The following AGAP1 variants were observed in gnomAD, a reference collection of about 807,000 sequenced individuals.
AGAP1 encodes arf-GAP with GTPase, ANK repeat and PH domain-containing protein 1.
In AGAP1, 29 loss-of-function variants were observed where a neutral mutation model predicts 105.3. The observed-to-expected ratio is 0.28, with a 90% CI of 0.21 to 0.38. The LOEUF is 0.38. Ranked by LOEUF, AGAP1 falls within the 10% of genes least tolerant of loss-of-function variation. The pLI is 1.00. For synonymous variants in AGAP1, 509 were observed against 485.9 expected, an observed-to-expected ratio of 1.05 and a Z score of -0.63; for missense variants, 998 against 1,165.1, an observed-to-expected ratio of 0.86 and a Z score of 2.09.
At chr2:235,542,314 G>C (rs1313110944) in intron 1 of AGAP1, among the ~76,000 whole-genome samples, 2 of 152,190 alleles carry the variant, frequency 1.3e-5, no homozygotes, top group African/African-American at 4.8e-5. Context: ...CAGGGACTTG[G>C]CCTTGGCCTT....
At position 235,725,088 on chromosome 2, in the gene AGAP1, C is replaced by G. The variant is rs944001333; in HGVS notation, c.310+7444C>G. ...TCCACTGTGTGTTTGGTTTCTGTTG[C>G]TTGTTCCAAGCTGCTGACGCGGTGT... is the stretch of plus-strand genomic sequence containing the variant. On this transcript the variant is annotated intron_variant, in intron 3 of 17. Coordinates refer to ENST00000304032, the MANE Select transcript of AGAP1 (RefSeq NM_001037131.3). The surrounding 1 kb of genome is among the most constrained non-coding windows in gnomAD (Gnocchi z 5.7). 2.6e-5 allele frequency among the ~76,000 whole-genome samples: 4 copies of G among 152,200 alleles called. No homozygotes were observed. Among genetic ancestry groups the G allele is most frequent in the Non-Finnish European group, 4.4e-5 (3 of 68,034 alleles).
chr2:235,682,308 G>A (rs540288369), intron 1 of AGAP1, among the ~76,000 whole-genome samples: 71 of 152,072 alleles, frequency 4.7e-4, no homozygotes, highest in African/African-American at 1.6e-3. Context: ...AGAATGAGGC[G>A]TCTGGAACCA....
Position 235,887,121 on chromosome 2 carries a change from C to G in AGAP1, c.1155+3672C>G, listed in dbSNP as rs889663875. On this transcript the variant is annotated intron_variant, in intron 10 of 17. Coordinates refer to ENST00000304032, the MANE Select transcript of AGAP1 (RefSeq NM_001037131.3). This position sits in a 1 kb window ranked among gnomAD's most constrained non-coding sequence, Gnocchi z 4.1. ...CTCAGTCTGGAAAATTTCAAAAGATCGTAGAACCAGATGATCTCAGTTAAA... is the reference window on the plus strand; with the variant it reads ...CTCAGTCTGGAAAATTTCAAAAGATGGTAGAACCAGATGATCTCAGTTAAA... 6.6e-6 allele frequency among the ~76,000 whole-genome samples: 1 copy of G among 152,136 alleles called. No homozygotes were observed. Among genetic ancestry groups the G allele is most frequent in the East Asian group, 1.9e-4 (1 of 5,192 alleles).
At position 235,967,372 on chromosome 2, in the gene AGAP1, G is replaced by A. The variant is rs924710648; in HGVS notation, c.1484-1090G>A. 2.6e-5 allele frequency among the ~76,000 whole-genome samples: 4 copies of A among 152,130 alleles called. No homozygotes were observed. The highest frequency in any genetic ancestry group is 2.1e-4 in the South Asian group (1 of 4,830). On this transcript the variant is annotated intron_variant, in intron 12 of 17. Transcript: ENST00000304032. The surrounding 1 kb of genome is among the most constrained non-coding windows in gnomAD (Gnocchi z 4.7). ...CAGCCTCCCAGCCTTGATGCCCCGC[G>A]TTCCTATTCGGTCTTTCCCATAACT...
At chr2:235,978,785 C>A (rs1453495674) in intron 13 of AGAP1, among the ~76,000 whole-genome samples, 1 of 152,172 alleles carries the variant, frequency 6.6e-6, no homozygotes, top group Non-Finnish European at 1.5e-5. Flanking sequence ...GCCATGCCCA[C>A]GGCTCCCCAC....
intron 1 of AGAP1, among the ~76,000 whole-genome samples, chr2:235,661,652 A>G (rs1947959534): frequency 6.6e-6 from 1 of 152,050 alleles, no homozygotes; most frequent in African/African-American, 2.4e-5. Context: ...GGAGACATGG[A>G]GCATCTCAGG....
chr2:236,122,477 G>C (rs888909668), intron 17 of AGAP1, among the ~76,000 whole-genome samples: 1 of 152,150 alleles, frequency 6.6e-6, no homozygotes, highest in South Asian at 2.1e-4. Flanking sequence ...CCATGCTGTT[G>C]AGTGGCCTCA....
At chr2:235,805,370 A>G (rs1488648269) in intron 8 of AGAP1, among the ~76,000 whole-genome samples, 1 of 152,162 alleles carries the variant, frequency 6.6e-6, no homozygotes, top group Non-Finnish European at 1.5e-5. Context: ...CTGCTCTGAG[A>G]ATGGATTGGC....
chr2:235,581,051 C>G (rs1454025659), intron 1 of AGAP1, among the ~76,000 whole-genome samples: 1 of 147,686 alleles, frequency 6.8e-6, no homozygotes, highest in African/African-American at 2.5e-5. Flanking sequence ...ACAGAGACTG[C>G]TTTGGGAGGC....
At position 235,550,041 on chromosome 2, in the gene AGAP1, CTTGTA is replaced by C. The variant is rs962819176; in HGVS notation, c.163+55198_163+55202del. On this transcript the variant is annotated intron_variant, in intron 1 of 17. Coordinates refer to ENST00000304032, the MANE Select transcript of AGAP1 (RefSeq NM_001037131.3). The surrounding 1 kb of genome is among the most constrained non-coding windows in gnomAD (Gnocchi z 4.6). ...GCAGCTGTATAATATGATGGATGTC[CTTGTA>C]TTGTACATTTTTAGGAAGGACGGGT... Among the ~76,000 whole-genome samples, 3 of 152,148 alleles carry C rather than the reference CTTGTA, an allele frequency of 2.0e-5. No individual in the cohort carries two copies. Among genetic ancestry groups the C allele is most frequent in the African/African-American group, 7.2e-5 (3 of 41,442 alleles).
chr2:235,583,831 A>AC (rs1945014343), intron 1 of AGAP1, among the ~76,000 whole-genome samples: 1 of 150,590 alleles, frequency 6.6e-6, no homozygotes, highest in African/African-American at 2.4e-5. Context: ...CCAAGATTGT[A>AC]CCACTGCACT....
Position 235,799,322 on chromosome 2 carries a change from T to C in AGAP1, c.802-45T>C. 6.3e-7 allele frequency: 1 copy of C among 1,595,922 alleles called. No homozygotes were observed. Among genetic ancestry groups the C allele is most frequent in the Non-Finnish European group, 8.5e-7 (1 of 1,169,696 alleles). ...CCTTGCCTAAGTGGAGGTCTTGGGT[T>C]CCTGAGTATGTCGTTAATGAAACCT... On this transcript the variant is annotated intron_variant, in intron 7 of 17. Transcript: ENST00000304032. The surrounding 1 kb of genome is among the most constrained non-coding windows in gnomAD (Gnocchi z 5.0).
chr2:235,943,142 A>C (rs1559676668), intron 12 of AGAP1, among the ~76,000 whole-genome samples: 1 of 152,202 alleles, frequency 6.6e-6, no homozygotes, highest in Non-Finnish European at 1.5e-5. Context: ...ATGACTTTAT[A>C]CAACTCTTGG....
chr2:235,535,504 A>C lies in AGAP1; in HGVS notation c.163+40655A>C, dbSNP rs1308582370. 6.6e-6 allele frequency among the ~76,000 whole-genome samples: 1 copy of C among 151,706 alleles called. No homozygotes were observed. Among genetic ancestry groups the C allele is most frequent in the Non-Finnish European group, 1.5e-5 (1 of 67,908 alleles). On this transcript the variant is annotated intron_variant, in intron 1 of 17. Coordinates refer to ENST00000304032, the MANE Select transcript of AGAP1 (RefSeq NM_001037131.3). The surrounding 1 kb of genome is among the most constrained non-coding windows in gnomAD (Gnocchi z 5.1). Reference sequence around the variant, plus strand: ...TAGTATTTTGGATTTAAAAAAAAAAAAAACATGAAATGAAATCCGTGTCCT... The same window carrying C: ...TAGTATTTTGGATTTAAAAAAAAAACAAACATGAAATGAAATCCGTGTCCT...
rs1942421100 is a variant in AGAP1 at position 235,517,091 on chromosome 2, G to A, written c.163+22242G>A. Reference sequence around the variant, plus strand: ...CCAAACGTATTTTCTCACAGTTCTGGAGGTTGAGAGTCCATGATCAAGGCA... The same window carrying A: ...CCAAACGTATTTTCTCACAGTTCTGAAGGTTGAGAGTCCATGATCAAGGCA... On this transcript the variant is annotated intron_variant, in intron 1 of 17. Transcript: ENST00000304032. The surrounding 1 kb of genome is among the most constrained non-coding windows in gnomAD (Gnocchi z 4.1). Among the ~76,000 whole-genome samples, 1 of 152,178 alleles carries A rather than the reference G, an allele frequency of 6.6e-6. No homozygotes were observed. The highest frequency in any genetic ancestry group is 6.5e-5 in the Admixed American group (1 of 15,274).
At chr2:236,077,142 A>ACT (rs1340851323) in intron 16 of AGAP1, among the ~76,000 whole-genome samples, 1 of 106,638 alleles carries the variant, frequency 9.4e-6, no homozygotes, top group African/African-American at 3.6e-5. Context: ...AAAAAAAAAA[A>ACT]ATATATATAT....
chr2:235,498,717 C>T (rs772143196), intron 1 of AGAP1, among the ~76,000 whole-genome samples: 5 of 152,220 alleles, frequency 3.3e-5, no homozygotes, highest in Non-Finnish European at 7.3e-5. Context: ...TTCAGCCAGG[C>T]GGCCCGATTC....
intron 9 of AGAP1, among the ~76,000 whole-genome samples, chr2:235,820,914 G>A (rs538912808): frequency 1.3e-5 from 2 of 152,252 alleles, no homozygotes; most frequent in East Asian, 3.9e-4. Context: ...GAAAAATAAG[G>A]AAGAGCAGAG....
chr2:236,057,553 C>A (rs554461476), intron 16 of AGAP1, among the ~76,000 whole-genome samples: 8 of 152,078 alleles, frequency 5.3e-5, no homozygotes, highest in South Asian at 2.1e-4. Context: ...GGGTTAGAGC[C>A]CCCCCCTCAA....
Sources: gnomAD v4.1 joint callset for allele counts (sites outside exome capture counted in the v4.1 genomes callset) on GRCh38, gnomAD v4.1.1 for gene constraint, Gnocchi (gnomAD v3.1) non-coding constraint, MANE v1.5 for transcripts, NCBI Gene and HGNC (gene_info 2026-07-23, HGNC 2026-07-21) for gene names.